DAAM1: variants seen among roughly 807,000 people sequenced by gnomAD.
DAAM1 encodes the protein dishevelled associated activator of morphogenesis 1.
DAAM1 carries 52 observed loss-of-function variants against 130.0 expected under a neutral mutation model. That is an observed-to-expected ratio of 0.40 (90% CI 0.32 to 0.50). The LOEUF (loss-of-function observed/expected upper bound fraction) is 0.50. Ranked by LOEUF, DAAM1 falls within the 20% of genes least tolerant of loss-of-function variation. The probability of loss-of-function intolerance (pLI) is 0.61; values close to 1 mark genes in which losing one functional copy is unlikely to be tolerated. For synonymous variants in DAAM1, 452 were observed against 444.5 expected, an observed-to-expected ratio of 1.02 and a Z score of -0.21; for missense variants, 1,134 against 1,303.8, an observed-to-expected ratio of 0.87 and a Z score of 2.01.
At chr14:59,228,756 A>G (rs1054746257) in intron 1 of DAAM1, among the ~76,000 whole-genome samples, 2 of 152,174 alleles carry the variant, frequency 1.3e-5, no homozygotes, top group African/African-American at 4.8e-5. Context: ...AATCTGAATA[A>G]ATCATGTATT....
chr14:59,196,777 C>A (rs1887909662), intron 1 of DAAM1, among the ~76,000 whole-genome samples: 1 of 151,782 alleles, frequency 6.6e-6, no homozygotes, highest in Non-Finnish European at 1.5e-5. Flanking sequence ...AAAAACAAAA[C>A]CCACAAAAAA....
At chr14:59,291,529 T>C (rs1270919242) in intron 3 of DAAM1, 1 of 495,396 alleles carries the variant, frequency 2.0e-6, no homozygotes. Context: ...TCATTCATAA[T>C]CATGTGTAAC....
At chr14:59,303,595 A>T (rs1884262939) in intron 3 of DAAM1, among the ~76,000 whole-genome samples, 1 of 152,108 alleles carries the variant, frequency 6.6e-6, no homozygotes, top group Admixed American at 6.5e-5. Flanking sequence ...GAGGTTATGA[A>T]TGATCTCAAT....
At chr14:59,274,507 A>G (rs1445631029) in intron 2 of DAAM1, among the ~76,000 whole-genome samples, 1 of 152,180 alleles carries the variant, frequency 6.6e-6, no homozygotes, top group Non-Finnish European at 1.5e-5. Flanking sequence ...AGAATGGCTC[A>G]GGTGTTATAT....
In DAAM1 at chr14:59,291,128, G is replaced by GTT. The variant is rs545699176; in HGVS notation, c.184-82_184-81dup. 1.2e-4 allele frequency: 131 copies of GTT among 1,071,228 alleles called. No homozygotes were observed. In the East Asian group the frequency reaches 3.6e-3, roughly 30 times the overall value. The allele number at this position is 1,071,228 out of a possible 1,614,324, so 66.4% of individuals were successfully genotyped here. A position where few individuals can be genotyped will look rare whatever the true frequency, so the allele number is the denominator to read the frequency against. ...CATTTAAATATGTGTTTGTGTTTTT[G>GTT]TTTTTTTTCTTCCTTGATGATACTG... On this transcript the variant is annotated intron_variant, in intron 2 of 24. Coordinates refer to ENST00000360909, the MANE Select transcript of DAAM1 (RefSeq NM_001270520.2).
In DAAM1 at chr14:59,367,542, C is replaced by T. The variant is rs775946384; in HGVS notation, c.2940C>T (p.Asn980=). The change falls in exon 24 of 25, where the codon AAC becomes AAT. Residue 980 remains asparagine, a synonymous_variant. Coordinates refer to ENST00000360909, the MANE Select transcript of DAAM1 (RefSeq NM_001270520.2). The stretch of plus-strand genomic sequence containing the variant: ...CTGTGTCAGAAGCCAAACAAGAAAA[C>T]GAAAATATGAGAAAGAAAAAGGAGG... ...LQAVSEAKQE[N]ENMRKKKEEE... The T allele has an allele frequency of 2.8e-5, 45 of 1,613,398 alleles. 1 individual carries two copies. Among genetic ancestry groups the T allele is most frequent in the East Asian group, 4.5e-5 (2 of 44,830 alleles).
chr14:59,284,515 A>T (rs567892845), intron 2 of DAAM1, among the ~76,000 whole-genome samples: 2 of 152,280 alleles, frequency 1.3e-5, no homozygotes, highest in Admixed American at 6.5e-5. Flanking sequence ...TCAGAATCTG[A>T]TGGCAAGGAA....
chr14:59,294,564 A>ATT (rs34245569), intron 3 of DAAM1, among the ~76,000 whole-genome samples: 59 of 146,384 alleles, frequency 4.0e-4, no homozygotes, highest in East Asian at 2.4e-3. Context: ...ATCCACTGTC[A>ATT]TTTTTTTTTT....
intron 1 of DAAM1, among the ~76,000 whole-genome samples, chr14:59,227,783 A>G (rs148281485): frequency 6.6e-6 from 1 of 152,310 alleles, no homozygotes; most frequent in Admixed American, 6.5e-5. Flanking sequence ...GGGCACACAG[A>G]GGACACGTAG....
At chr14:59,189,164 C>G (rs1219314312) in intron 1 of DAAM1, among the ~76,000 whole-genome samples, 1 of 151,980 alleles carries the variant, frequency 6.6e-6, no homozygotes, top group African/African-American at 2.4e-5. Flanking sequence ...GGTACTGCAG[C>G]GGCGTCCGCG....
intron 1 of DAAM1, among the ~76,000 whole-genome samples, chr14:59,196,981 C>T (rs907085302): frequency 1.4e-4 from 22 of 151,990 alleles, no homozygotes; most frequent in Admixed American, 1.2e-3. Context: ...AGTGCAGTGG[C>T]GCGATCTCGG....
chr14:59,225,677 G>A (rs1888918152), intron 1 of DAAM1, among the ~76,000 whole-genome samples: 1 of 150,106 alleles, frequency 6.7e-6, no homozygotes, highest in African/African-American at 2.4e-5. Context: ...CAGAGATCTG[G>A]CGGACAGAGA....
In DAAM1 at chr14:59,347,671, A is replaced by G. The variant is rs1243608951; in HGVS notation, c.2160+48A>G. 2.6e-6 allele frequency: 4 copies of G among 1,565,126 alleles called. No homozygotes were observed. In the African/African-American group the frequency reaches 4.1e-5, roughly 16 times the overall value. ...GAGCAGAAGTGAAAAGCGACCATCA[A>G]CAGGGAGAGGGATGTTGAGAACATC... On this transcript the variant is annotated intron_variant, in intron 17 of 24. Transcript: ENST00000360909.
At position 59,263,407 on chromosome 14, in the gene DAAM1, G is replaced by A. The variant is rs936671154; in HGVS notation, c.-37-34G>A. ...TTTAAAAATCATTTTATCTGTTCCT[G>A]TACTCTTAACCATGTCATATCCTCT... On this transcript the variant is annotated intron_variant, in intron 1 of 24. Transcript: ENST00000360909. 1.9e-6 allele frequency: 3 copies of A among 1,578,012 alleles called. No individual in the cohort carries two copies. In the African/African-American group the frequency reaches 4.1e-5, roughly 21 times the overall value.
At chr14:59,248,899 T>C (rs1202345494) in intron 1 of DAAM1, among the ~76,000 whole-genome samples, 1 of 152,190 alleles carries the variant, frequency 6.6e-6, no homozygotes, top group Non-Finnish European at 1.5e-5. Context: ...GCCATTCTCC[T>C]GCCTCAGCCT....
intron 1 of DAAM1, among the ~76,000 whole-genome samples, chr14:59,198,794 C>T (rs540699648): frequency 2.0e-5 from 3 of 152,272 alleles, no homozygotes; most frequent in Admixed American, 6.5e-5. Flanking sequence ...TCTTTTGGTG[C>T]TTTGCAATTG....
chr14:59,280,497 C>T (rs1006556578), intron 2 of DAAM1, among the ~76,000 whole-genome samples: 2 of 151,602 alleles, frequency 1.3e-5, no homozygotes, highest in African/African-American at 4.8e-5. Flanking sequence ...CTTCCTCCCT[C>T]CCAGCTTCCC....
Position 59,354,646 on chromosome 14 carries a change from A to G in DAAM1, c.2357-519A>G, listed in dbSNP as rs1886408043. ...TATGGTTTGATTTTTAAAATTTGTA[A>G]ATGTTTGAAATGTGGGCAAGGCAAC... On this transcript the variant is annotated intron_variant, in intron 19 of 24. Transcript: ENST00000360909. Among the ~76,000 whole-genome samples, 8 of 152,134 alleles carry G rather than the reference A, an allele frequency of 5.3e-5. No individual in the cohort carries two copies. In the South Asian group the frequency reaches 1.7e-3, roughly 32 times the overall value.
chr14:59,291,663 C>T (rs1883745344), intron 3 of DAAM1, among the ~76,000 whole-genome samples: 1 of 152,206 alleles, frequency 6.6e-6, no homozygotes, highest in African/African-American at 2.4e-5. Flanking sequence ...AAACCACCTT[C>T]TGACAACTTT....
Sources: gnomAD v4.1 joint callset for allele counts (sites outside exome capture counted in the v4.1 genomes callset) on GRCh38, gnomAD v4.1.1 for gene constraint, MANE v1.5 for transcripts, NCBI Gene and HGNC (gene_info 2026-07-23, HGNC 2026-07-21) for gene names.